Variants in CACNA1C observed in about 807,000 individuals in gnomAD.
CACNA1C encodes the protein voltage-dependent L-type calcium channel subunit alpha-1C.
In CACNA1C, 30 loss-of-function variants were observed where a neutral mutation model predicts 229.0. The ratio of observed to expected loss-of-function variants is 0.13; its 90% CI spans 0.10 to 0.18. The LOEUF is 0.18. CACNA1C is among the 10% of genes least tolerant of loss of function. The pLI is 1.00. For synonymous variants in CACNA1C, 1,114 were observed against 1,132.5 expected (o/e 0.98, Z 0.33); for missense variants, 1,658 against 2,845.0 (o/e 0.58, Z 9.49).
rs1234321795 is a variant in CACNA1C at position 2,575,901 on chromosome 12, A to G, written c.1896-5689A>G. Among the ~76,000 whole-genome samples, 2 of 152,216 alleles carry G rather than the reference A, an allele frequency of 1.3e-5. No individual in the cohort carries two copies. Among genetic ancestry groups the G allele is most frequent in the Admixed American group, 1.3e-4 (2 of 15,278 alleles). Reference sequence around the variant, plus strand: ...TTCCAGTTCAAGGAAGGCTCGGGTCACTTTATATTATAGAAGAGGAGGAAG... The same window carrying G: ...TTCCAGTTCAAGGAAGGCTCGGGTCGCTTTATATTATAGAAGAGGAGGAAG... On this transcript the variant is annotated intron_variant, in intron 13 of 46. Transcript: ENST00000399655. The surrounding 1 kb of genome is among the most constrained non-coding windows in gnomAD (Gnocchi z 4.0).
chr12:2,651,353 A>C lies in CACNA1C; in HGVS notation c.3946-287A>C. On this transcript the variant is annotated intron_variant, in intron 31 of 46. Coordinates refer to ENST00000399655, the MANE Select transcript of CACNA1C (RefSeq NM_000719.7). This position sits in a 1 kb window ranked among gnomAD's most constrained non-coding sequence, Gnocchi z 5.4. ...TTCCTGATGGAGTCGTCTGTCCTCC[A>C]TCCAGGGCATTAAGAACTAGGAATG... The C allele has an allele frequency of 3.7e-6, 2 of 539,368 alleles. No individual in the cohort carries two copies. Among genetic ancestry groups the C allele is most frequent in the Non-Finnish European group, 6.6e-6 (2 of 303,322 alleles). 33.4% of individuals were successfully genotyped at this position (539,368 alleles called of 1,614,324 possible).
chr12:2,003,448 C>T (rs2042647346), intron 1 of CACNA1C, among the ~76,000 whole-genome samples: 1 of 152,158 alleles, frequency 6.6e-6, no homozygotes, highest in African/African-American at 2.4e-5. Context: ...TTGGACAAAA[C>T]TCATTATGAG....
rs2097794263 is a variant in CACNA1C, at chr12:2,691,960, T to C, written c.*761T>C. On this transcript the variant is annotated 3_prime_UTR_variant, in exon 47 of 47. Coordinates refer to ENST00000399655, the MANE Select transcript of CACNA1C (RefSeq NM_000719.7). ...TGTTGCAGTTTCTTTTCGGTTTTGG[T>C]TTTTTTTAAATGTTTTATTTTGCTT... 2.0e-5 allele frequency: 3 copies of C among 151,796 alleles called. No homozygotes were observed. In the South Asian group the frequency reaches 6.2e-4, roughly 32 times the overall value. 9.4% of individuals were successfully genotyped at this position (151,796 alleles called of 1,614,324 possible). A position where few individuals can be genotyped will look rare whatever the true frequency, so the allele number is the denominator to read the frequency against.
rs1474429529 is a variant in CACNA1C, at chr12:2,593,364, G to A, written c.2663+19G>A. 6.2e-7 allele frequency: 1 copy of A among 1,613,086 alleles called. No homozygotes were observed. Among genetic ancestry groups the A allele is most frequent in the Non-Finnish European group, 8.5e-7 (1 of 1,179,634 alleles). The stretch of plus-strand genomic sequence containing the variant: ...ACAACAGGTGTGCAGCAATGGTGGG[G>A]AAGGTGGGGTCCTGCTCTCTCTAGT... On this transcript the variant is annotated intron_variant, in intron 19 of 46. Transcript: ENST00000399655.
In CACNA1C at chr12:2,593,481, A is replaced by G. The variant is rs1033424294; in HGVS notation, c.2663+136A>G. ...TTGCAAATTGTATAAACAGGCACTCATTTAGGGAAGAGTCCTGGATTTTGA... is the reference window on the plus strand; with the variant it reads ...TTGCAAATTGTATAAACAGGCACTCGTTTAGGGAAGAGTCCTGGATTTTGA... On this transcript the variant is annotated intron_variant, in intron 19 of 46. Transcript: ENST00000399655. 1.3e-5 allele frequency: 10 copies of G among 785,290 alleles called. No homozygotes were observed. The African/African-American group carries it at 1.6e-4, about 12-fold the overall frequency. The allele number at this position is 785,290 out of a possible 1,614,324, so 48.6% of individuals were successfully genotyped here. A position where few individuals can be genotyped will look rare whatever the true frequency, so the allele number is the denominator to read the frequency against.
chr12:2,581,570 T>A lies in CACNA1C; in HGVS notation c.1896-20T>A. 1 of 1,542,430 alleles carries A rather than the reference T, an allele frequency of 6.5e-7. No homozygotes were observed. Among genetic ancestry groups the A allele is most frequent in the South Asian group, 1.2e-5 (1 of 82,218 alleles). The stretch of plus-strand genomic sequence containing the variant: ...GACAGCAAGGGGCAGAGTGCTGACC[T>A]CCCTCCTGTTGGCTCTCAGGTACTG... On this transcript the variant is annotated intron_variant, in intron 13 of 46. Coordinates refer to ENST00000399655, the MANE Select transcript of CACNA1C (RefSeq NM_000719.7).
chr12:2,144,621 A>G (rs2094548686), intron 3 of CACNA1C, among the ~76,000 whole-genome samples: 1 of 151,364 alleles, frequency 6.6e-6, no homozygotes, highest in Non-Finnish European at 1.5e-5. Context: ...GGGTGTGACT[A>G]TATTTGTTTT....
intron 1 of CACNA1C, among the ~76,000 whole-genome samples, chr12:2,031,889 G>T (rs1373706872): frequency 1.3e-5 from 2 of 152,142 alleles, no homozygotes; most frequent in East Asian, 3.8e-4. Flanking sequence ...GCAGCTGTGG[G>T]CTGTGTCTTT....
chr12:2,156,014 A>G (rs1458051605), intron 3 of CACNA1C, among the ~76,000 whole-genome samples: 1 of 152,234 alleles, frequency 6.6e-6, no homozygotes, highest in Non-Finnish European at 1.5e-5. Context: ...TCTGCAGCTT[A>G]GACACAAGAA....
intron 3 of CACNA1C, among the ~76,000 whole-genome samples, chr12:2,401,480 C>T: frequency 6.6e-6 from 1 of 152,216 alleles, no homozygotes; most frequent in East Asian, 1.9e-4. Flanking sequence ...CAGGTCTCCC[C>T]TTTGAACAGA....
chr12:2,356,232 C>A (rs921458172), intron 3 of CACNA1C, among the ~76,000 whole-genome samples: 5 of 152,186 alleles, frequency 3.3e-5, no homozygotes, highest in African/African-American at 1.2e-4. Flanking sequence ...AAAATGCTTG[C>A]AAGCTGTGGC....
intron 3 of CACNA1C, among the ~76,000 whole-genome samples, chr12:2,194,027 A>G (rs1048991144): frequency 5.3e-5 from 8 of 151,886 alleles, no homozygotes; most frequent in South Asian, 2.1e-4. Context: ...CTCAGCTCCA[A>G]CTGGACCCCA....
intron 32 of CACNA1C, among the ~76,000 whole-genome samples, chr12:2,652,630 G>T (rs751265503): frequency 6.6e-6 from 1 of 152,216 alleles, no homozygotes; most frequent in Non-Finnish European, 1.5e-5. Context: ...GCCTGGGCCT[G>T]GTCCAGGTGA....
At chr12:2,361,963 A>G (rs1416485573) in intron 3 of CACNA1C, among the ~76,000 whole-genome samples, 1 of 152,240 alleles carries the variant, frequency 6.6e-6, no homozygotes, top group East Asian at 1.9e-4. Context: ...ATCTTGATCA[A>G]CTGATTGTCT....
At chr12:2,614,601 T>C (rs2079525457) in intron 29 of CACNA1C, 2 of 152,250 alleles carry the variant, frequency 1.3e-5, no homozygotes, top group South Asian at 4.1e-4. Flanking sequence ...CCTGAATCCA[T>C]GACAACTTTC....
At chr12:2,331,257 T>C (rs772219730) in intron 3 of CACNA1C, among the ~76,000 whole-genome samples, 5 of 152,200 alleles carry the variant, frequency 3.3e-5, no homozygotes, top group Non-Finnish European at 7.3e-5. Context: ...TGGATGTATA[T>C]ATAATATGGA....
At chr12:2,279,912 A>G (rs1281905824) in intron 3 of CACNA1C, among the ~76,000 whole-genome samples, 4 of 152,220 alleles carry the variant, frequency 2.6e-5, no homozygotes, top group Admixed American at 1.3e-4. Flanking sequence ...GGATTTGGGT[A>G]TCTGTGGGGC....
At chr12:2,459,568 G>T (rs557465896) in intron 5 of CACNA1C, among the ~76,000 whole-genome samples, 1 of 152,060 alleles carries the variant, frequency 6.6e-6, no homozygotes, top group Non-Finnish European at 1.5e-5. Flanking sequence ...TTCTCTACTC[G>T]GCCTTAACTG....
intron 3 of CACNA1C, among the ~76,000 whole-genome samples, chr12:2,187,881 T>C (rs973293696): frequency 6.6e-6 from 1 of 152,034 alleles, no homozygotes; most frequent in Non-Finnish European, 1.5e-5. Context: ...CAGAGAAGAG[T>C]CTGCTGCCCC....
Sources: allele counts gnomAD v4.1 joint callset (sites outside exome capture counted in the v4.1 genomes callset), GRCh38; gene constraint gnomAD v4.1.1; non-coding constraint Gnocchi (gnomAD v3.1); transcripts MANE v1.5; gene names NCBI Gene and HGNC (gene_info 2026-07-23, HGNC 2026-07-21).